The following TMEM161A variants were observed in gnomAD, a reference collection of about 807,000 sequenced individuals.
TMEM161A encodes transmembrane protein 161A.
In TMEM161A, 46 loss-of-function variants were observed where a neutral mutation model predicts 57.1. The ratio of observed to expected loss-of-function variants is 0.81; its 90% CI spans 0.64 to 1.03. The LOEUF (loss-of-function observed/expected upper bound fraction) is 1.03. Ranked by LOEUF, TMEM161A falls within the 50% of genes least tolerant of loss-of-function variation. The pLI, the probability that TMEM161A is intolerant of heterozygous loss-of-function variation, is 0.00. For synonymous variants in TMEM161A, 288 were observed against 279.0 expected, an observed-to-expected ratio of 1.03 and a Z score of -0.32; for missense variants, 601 against 621.5, an observed-to-expected ratio of 0.97 and a Z score of 0.35.
chr19:19,121,234 G>A lies in TMEM161A; in HGVS notation c.915-68C>T, dbSNP rs1427071772. 1.3e-6 allele frequency: 2 copies of A among 1,550,388 alleles called. No homozygotes were observed. Among genetic ancestry groups the A allele is most frequent in the East Asian group, 4.9e-5 (2 of 41,228 alleles). On this transcript the variant is annotated intron_variant, in intron 9 of 11. Coordinates refer to ENST00000162044, the MANE Select transcript of TMEM161A (RefSeq NM_017814.3). The surrounding 1 kb of genome is among the most constrained non-coding windows in gnomAD (Gnocchi z 5.8). ...CCCGACCCCCCAGGATCTTCCCCAG[G>A]CTCCTCCCTGAATCTCAGAGGCTAG... is the stretch of plus-strand genomic sequence containing the variant.
rs1322191360 is a variant in TMEM161A at position 19,119,778 on chromosome 19, G to C, written c.*152C>G. 11 of 974,622 alleles carry C rather than the reference G, an allele frequency of 1.1e-5. No homozygotes were observed. Among genetic ancestry groups the C allele is most frequent in the Admixed American group, 8.5e-5 (3 of 35,354 alleles). The allele number at this position is 974,622 out of a possible 1,614,324, so 60.4% of individuals were successfully genotyped here. ...TGAGGCAGAAACTCGGCGTCCAAGG[G>C]GGGCCGCGGGTCAGGCACTGTGGTG... On this transcript the variant is annotated 3_prime_UTR_variant, in exon 12 of 12. Transcript: ENST00000162044.
At chr19:19,136,161 G>A (rs919987877) in intron 1 of TMEM161A, among the ~76,000 whole-genome samples, 2 of 152,096 alleles carry the variant, frequency 1.3e-5, no homozygotes, top group African/African-American at 4.8e-5. Flanking sequence ...CCCATTTGCT[G>A]CCAGTAATTA....
intron 6 of TMEM161A, among the ~76,000 whole-genome samples, chr19:19,126,621 C>A (rs1371065259): frequency 6.6e-6 from 1 of 152,122 alleles, no homozygotes; most frequent in Non-Finnish European, 1.5e-5. Context: ...GTAATCTCAG[C>A]ACTTTGGGAG....
Position 19,121,126 on chromosome 19 carries a change from G to A in TMEM161A, c.955C>T (p.Leu319=), listed in dbSNP as rs533495189. 6.2e-7 allele frequency: 1 copy of A among 1,610,868 alleles called. No individual in the cohort carries two copies. Among genetic ancestry groups the A allele is most frequent in the Admixed American group, 1.7e-5 (1 of 59,776 alleles). The part of the protein sequence containing the change: ...SAFDSGRLWL[L]VVLCLLRLAV... Reference sequence around the variant, plus strand: ...AGCCGCAGCAGGCACAGCACCACCAGCAACCAGAGGCGCCCAGAGTCGAAG... The same window carrying A: ...AGCCGCAGCAGGCACAGCACCACCAACAACCAGAGGCGCCCAGAGTCGAAG... The change falls in exon 10 of 12, where the codon CTG becomes TTG. Residue 319 remains leucine (L), a synonymous_variant. Coordinates refer to ENST00000162044, the MANE Select transcript of TMEM161A (RefSeq NM_017814.3). This position sits in a 1 kb window ranked among gnomAD's most constrained non-coding sequence, Gnocchi z 5.8.
chr19:19,121,169 G>A lies in TMEM161A; in HGVS notation c.915-3C>T, dbSNP rs1487154581. On this transcript the variant is annotated splice_polypyrimidine_tract_variant and splice_region_variant and intron_variant, in intron 9 of 11. Coordinates refer to ENST00000162044, the MANE Select transcript of TMEM161A (RefSeq NM_017814.3). The surrounding 1 kb of genome is among the most constrained non-coding windows in gnomAD (Gnocchi z 5.8). ...AGTCGAAGGCAGAATCGGACAGCCT[G>A]TGCGGAGAGGGCCGGGGGCAAGGGA... is the stretch of plus-strand genomic sequence containing the variant. 1.2e-6 allele frequency: 2 copies of A among 1,600,140 alleles called. No homozygotes were observed. Among genetic ancestry groups the A allele is most frequent in the Non-Finnish European group, 1.7e-6 (2 of 1,173,124 alleles).
intron 6 of TMEM161A, among the ~76,000 whole-genome samples, chr19:19,128,151 G>A (rs1022433887): frequency 6.6e-6 from 1 of 152,062 alleles, no homozygotes; most frequent in Non-Finnish European, 1.5e-5. Flanking sequence ...GTGTTTGATG[G>A]GCTGGAGTTT....
chr19:19,121,845 G>A lies in TMEM161A; in HGVS notation c.596-26C>T, dbSNP rs1456989124. 5 of 1,612,872 alleles carry A rather than the reference G, an allele frequency of 3.1e-6. No individual in the cohort carries two copies. On this transcript the variant is annotated intron_variant, in intron 6 of 11. Coordinates refer to ENST00000162044, the MANE Select transcript of TMEM161A (RefSeq NM_017814.3). The surrounding 1 kb of genome is among the most constrained non-coding windows in gnomAD (Gnocchi z 5.8). ...CTGGGGACGATAAGAAGAGGACCGA[G>A]TAGAGTGAATTCCTAGGGTCTCTAA...
Position 19,130,269 on chromosome 19 carries a change from G to T in TMEM161A, c.482C>A (p.Ala161Asp), listed in dbSNP as rs750230711. The T allele has an allele frequency of 4.8e-5, 78 of 1,613,662 alleles. No individual in the cohort carries two copies. The highest frequency in any genetic ancestry group is 6.7e-5 in the Admixed American group (4 of 59,996). The change falls in exon 6 of 12, where the codon GCC becomes GAC. Residue 161 changes from alanine to aspartate, a missense_variant. Physicochemically the swap from Ala to Asp is moderately radical, Grantham distance 126. Transcript: ENST00000162044. Reference sequence around the variant, plus strand: ...GACAGAGCGCTCACCCCCCTCCTCGGCGCTGAAGTACAGCCGTGTCACTGT... The same window carrying T: ...GACAGAGCGCTCACCCCCCTCCTCGTCGCTGAAGTACAGCCGTGTCACTGT... ...FLTVTRLYFS[A>D]EEGGERSVCL... is the part of the protein sequence containing the mutation.
At position 19,130,217 on chromosome 19, in the gene TMEM161A, C is replaced by G. The variant is rs1461393413; in HGVS notation, c.534G>C (p.Leu178=). ...CCACTTGCACCAGCATGGCCAGCAG[C>G]AGGAAGAGGAAGGCAAAGGTGAGGC... ...SVCLTFAFLF[L]LLAMLVQVVR... The change falls in exon 6 of 12, where the codon CTG becomes CTC. Residue 178 remains leucine, a synonymous_variant. Coordinates refer to ENST00000162044, the MANE Select transcript of TMEM161A (RefSeq NM_017814.3). 1 of 1,613,980 alleles carries G rather than the reference C, an allele frequency of 6.2e-7. No individual in the cohort carries two copies. Among genetic ancestry groups the G allele is most frequent in the South Asian group, 1.1e-5 (1 of 91,084 alleles).
intron 6 of TMEM161A, among the ~76,000 whole-genome samples, chr19:19,126,671 A>C (rs2059932901): frequency 6.6e-6 from 1 of 152,058 alleles, no homozygotes; most frequent in African/African-American, 2.4e-5. Flanking sequence ...GGAGTTAAAG[A>C]CCAGCCTGGC....
At chr19:19,136,501 C>A (rs1014317335) in intron 1 of TMEM161A, among the ~76,000 whole-genome samples, 1 of 151,598 alleles carries the variant, frequency 6.6e-6, no homozygotes, top group African/African-American at 2.4e-5. Context: ...ACTAAAAATA[C>A]AAAAATTAGC....
In TMEM161A at chr19:19,121,375, G is replaced by C. The variant is rs2059909513; in HGVS notation, c.847C>G (p.Leu283Val). 1 of 1,609,804 alleles carries C rather than the reference G, an allele frequency of 6.2e-7. No homozygotes were observed. Among genetic ancestry groups the C allele is most frequent in the Admixed American group, 1.7e-5 (1 of 59,222 alleles). Residue 283 changes from leucine (L) to valine (V), a missense_variant, in exon 9 of 12, where the codon CTC becomes GTC. By Grantham distance (32) the Leu-to-Val change is conservative. Transcript: ENST00000162044. This position sits in a 1 kb window ranked among gnomAD's most constrained non-coding sequence, Gnocchi z 5.8. ...TCCCGTGCAATGGGCTTTGTCCAGA[G>C]CCACAGGATGAACAGGGGAGACAGG... is the stretch of plus-strand genomic sequence containing the variant. Reference protein sequence around the residue: ...SFLSPLFILWLWTKPIARDFL... With the variant: ...SFLSPLFILWVWTKPIARDFL...
intron 6 of TMEM161A, among the ~76,000 whole-genome samples, chr19:19,129,891 G>A (rs1261055739): frequency 6.6e-6 from 1 of 151,230 alleles, no homozygotes; most frequent in Non-Finnish European, 1.5e-5. Context: ...GGTGACAAAA[G>A]TGAAACTCCA....
At chr19:19,134,710 T>G in intron 2 of TMEM161A, 74 bp downstream of exon 2, 1 of 1,133,632 alleles carries the variant, frequency 8.8e-7, no homozygotes, top group Non-Finnish European at 1.3e-6. Context: ...CTTTGCAATT[T>G]GTGAGGCGGG....
intron 6 of TMEM161A, among the ~76,000 whole-genome samples, chr19:19,124,490 T>C (rs539322438): frequency 6.6e-6 from 1 of 152,352 alleles, no homozygotes; most frequent in South Asian, 2.1e-4. Flanking sequence ...AAATAGACCA[T>C]CTGTGCAATT....
At chr19:19,120,733 C>A in intron 11 of TMEM161A, 32 bp downstream of exon 11, 1 of 1,602,286 alleles carries the variant, frequency 6.2e-7, no homozygotes, top group South Asian at 1.1e-5. Context: ...CCAACTCCGC[C>A]CCTCCTCCAC....
At chr19:19,136,789 T>C (rs949758522) in intron 1 of TMEM161A, among the ~76,000 whole-genome samples, 1 of 151,930 alleles carries the variant, frequency 6.6e-6, no homozygotes, top group African/African-American at 2.4e-5. Flanking sequence ...GCGGCATCTT[T>C]CTCATCTCTA....
chr19:19,126,506 C>T (rs1349946416), intron 6 of TMEM161A, among the ~76,000 whole-genome samples: 1 of 152,096 alleles, frequency 6.6e-6, no homozygotes, highest in South Asian at 2.1e-4. Flanking sequence ...CTGGCGATTG[C>T]TTGAGTTCAA....
At chr19:19,130,428 G>T in intron 5 of TMEM161A, 121 bp from the exon 6 acceptor site, 2 of 1,315,716 alleles carry the variant, frequency 1.5e-6, no homozygotes, top group South Asian at 1.3e-5. Context: ...AGGCCTTGGG[G>T]ATGACCTAGA....
Sources: gnomAD v4.1 joint callset for allele counts (sites outside exome capture counted in the v4.1 genomes callset) on GRCh38, gnomAD v4.1.1 for gene constraint, Gnocchi (gnomAD v3.1) non-coding constraint, MANE v1.5 for transcripts, NCBI Gene and HGNC (gene_info 2026-07-23, HGNC 2026-07-21) for gene names.